The following GRIK4 variants were observed in gnomAD, a reference collection of about 807,000 sequenced individuals.
GRIK4 encodes glutamate ionotropic receptor kainate type subunit 4.
In GRIK4, 40 loss-of-function variants were observed where a neutral mutation model predicts 104.9. The observed-to-expected ratio is 0.38, with a 90% CI of 0.30 to 0.50. GRIK4 has a LOEUF of 0.50. GRIK4 is among the 20% of genes least tolerant of loss of function. The pLI, the probability that GRIK4 is intolerant of heterozygous loss-of-function variation, is 0.93. For missense variants in GRIK4, 1,047 were observed against 1,308.1 expected (o/e 0.80, Z 3.08); for synonymous variants, 485 against 524.9 (o/e 0.92, Z 1.04).
intron 3 of GRIK4, among the ~76,000 whole-genome samples, chr11:120,774,411 C>G (rs1469353881): frequency 1.3e-5 from 2 of 152,130 alleles, no homozygotes; most frequent in African/African-American, 4.8e-5. Flanking sequence ...TGGAGACTGG[C>G]AAGTTCAATC....
rs192565741 is a variant in GRIK4, at chr11:120,601,955, A to G, written c.-158-51730A>G. ...CTTTTTAAATGGGGAACCCTAGGCT[A>G]TCAGTGACCCCTGACTCCTACAGGT... On this transcript the variant is annotated intron_variant, in intron 1 of 20. Transcript: ENST00000527524. Among the ~76,000 whole-genome samples the G allele has an allele frequency of 1.1e-4, 16 of 152,214 alleles. No individual in the cohort carries two copies. The East Asian group carries it at 2.7e-3, about 26-fold the overall frequency.
At chr11:120,515,639 CT>C (rs1436981863) in intron 1 of GRIK4, among the ~76,000 whole-genome samples, 2 of 152,346 alleles carry the variant, frequency 1.3e-5, no homozygotes, top group East Asian at 3.9e-4. Flanking sequence ...TGCCTGACAC[CT>C]TTTCACATTC....
intron 13 of GRIK4, among the ~76,000 whole-genome samples, chr11:120,930,679 A>G (rs1183857745): frequency 6.6e-6 from 1 of 152,240 alleles, no homozygotes; most frequent in East Asian, 1.9e-4. Flanking sequence ...AGGTTTTATG[A>G]GGATGGTAAA....
At chr11:120,925,832 GGTGTGGTGGTGTGCGC>G (rs1343770791) in intron 13 of GRIK4, among the ~76,000 whole-genome samples, 1 of 152,070 alleles carries the variant, frequency 6.6e-6, no homozygotes, top group East Asian at 1.9e-4. Flanking sequence ...AAATTAGCCA[GGTGTGGTGGTGTGCGC>G]CTGTAATCCC....
chr11:120,820,598 G>T lies in GRIK4; in HGVS notation c.511+678G>T, dbSNP rs570410323. Among the ~76,000 whole-genome samples the T allele has an allele frequency of 3.6e-4, 55 of 152,320 alleles. 1 individual carries two copies. The South Asian group carries it at 0.011, about 30-fold the overall frequency. ...CGGCGGCAGCTGTGCACCCACATGT[G>T]GTCAAACAGGTGCTGGCCACTGGCT... On this transcript the variant is annotated intron_variant, in intron 6 of 20. Transcript: ENST00000527524.
chr11:120,790,424 G>A (rs1952371389), intron 3 of GRIK4, among the ~76,000 whole-genome samples: 1 of 152,100 alleles, frequency 6.6e-6, no homozygotes. Flanking sequence ...CCTGGGGCAC[G>A]GTGGGAATGG....
chr11:120,704,936 A>G (rs565966900), intron 3 of GRIK4, among the ~76,000 whole-genome samples: 12 of 152,318 alleles, frequency 7.9e-5, no homozygotes, highest in African/African-American at 2.6e-4. Flanking sequence ...TCCCAGAACC[A>G]TTTGTTGAAT....
At chr11:120,891,271 G>A (rs776528673) in intron 11 of GRIK4, among the ~76,000 whole-genome samples, 1 of 152,232 alleles carries the variant, frequency 6.6e-6, no homozygotes, top group Non-Finnish European at 1.5e-5. Context: ...GAGCCACAGA[G>A]AGGGGAAAGG....
At chr11:120,627,205 A>G (rs1949271656) in intron 1 of GRIK4, among the ~76,000 whole-genome samples, 1 of 152,226 alleles carries the variant, frequency 6.6e-6, no homozygotes, top group Non-Finnish European at 1.5e-5. Context: ...TTGATGATAA[A>G]CATTATGGAG....
chr11:120,596,865 C>G (rs1307991122), intron 1 of GRIK4, among the ~76,000 whole-genome samples: 1 of 152,134 alleles, frequency 6.6e-6, no homozygotes, highest in African/African-American at 2.4e-5. Context: ...GCTGGGATTA[C>G]AGGTGCCCGC....
chr11:120,781,017 C>T (rs572108303), intron 3 of GRIK4, among the ~76,000 whole-genome samples: 39 of 152,306 alleles, frequency 2.6e-4, no homozygotes, highest in African/African-American at 7.9e-4. Flanking sequence ...GCTGGGATTA[C>T]AGGCATGAGC....
At chr11:120,750,792 G>A (rs1951535978) in intron 3 of GRIK4, among the ~76,000 whole-genome samples, 1 of 152,172 alleles carries the variant, frequency 6.6e-6, no homozygotes, top group African/African-American at 2.4e-5. Flanking sequence ...ATTTTGTAAT[G>A]GATGCTGGAC....
chr11:120,714,019 GC>G (rs1347573172), intron 3 of GRIK4, among the ~76,000 whole-genome samples: 2 of 152,176 alleles, frequency 1.3e-5, no homozygotes, highest in African/African-American at 4.8e-5. Flanking sequence ...TTTCATCCTG[GC>G]TCATCACTCA....
At chr11:120,914,273 TATA>T (rs1592074518) in intron 13 of GRIK4, among the ~76,000 whole-genome samples, 1 of 152,328 alleles carries the variant, frequency 6.6e-6, no homozygotes, top group Non-Finnish European at 1.5e-5. Flanking sequence ...TAATAATAGT[TATA>T]ATGATGGTAA....
intron 1 of GRIK4, among the ~76,000 whole-genome samples, chr11:120,567,689 C>T (rs1948348099): frequency 1.3e-5 from 2 of 152,132 alleles, no homozygotes; most frequent in Admixed American, 1.3e-4. Context: ...AAAGAGACAT[C>T]CCTGGCTACA....
At chr11:120,803,007 G>A (rs954110815) in intron 4 of GRIK4, 150 bp downstream of exon 4, 58 of 709,580 alleles carry the variant, frequency 8.2e-5, no homozygotes, top group Non-Finnish European at 1.3e-4. Context: ...AGGAGGTCCT[G>A]TGAAGCTCTC....
chr11:120,646,183 T>C (rs150865609), intron 1 of GRIK4, among the ~76,000 whole-genome samples: 70 of 152,318 alleles, frequency 4.6e-4, no homozygotes, highest in African/African-American at 1.6e-3. Context: ...TGGACAATAA[T>C]AGCAATAATC....
chr11:120,782,536 T>C (rs1243601999), intron 3 of GRIK4, among the ~76,000 whole-genome samples: 1 of 152,132 alleles, frequency 6.6e-6, no homozygotes, highest in Non-Finnish European at 1.5e-5. Flanking sequence ...CTGCCTGCCT[T>C]GGCCTCCCAA....
At chr11:120,638,606 C>T (rs546344170) in intron 1 of GRIK4, among the ~76,000 whole-genome samples, 6 of 151,844 alleles carry the variant, frequency 4.0e-5, no homozygotes, top group African/African-American at 1.2e-4. Flanking sequence ...GCCTCTCAAG[C>T]AGCTGGGACT....
Sources: allele counts gnomAD v4.1 joint callset (sites outside exome capture counted in the v4.1 genomes callset), GRCh38; gene constraint gnomAD v4.1.1; transcripts MANE v1.5; gene names NCBI Gene and HGNC (gene_info 2026-07-23, HGNC 2026-07-21).